The following RBFOX3 variants were observed in gnomAD, a reference collection of about 807,000 sequenced individuals.
RBFOX3 encodes the protein RNA binding fox-1 homolog 3.
In RBFOX3, 17 loss-of-function variants were observed where a neutral mutation model predicts 48.7. The ratio of observed to expected loss-of-function variants is 0.35; its 90% CI spans 0.24 to 0.52. RBFOX3 has a LOEUF of 0.52. Among genes scored for constraint, RBFOX3 ranks in the 20% least tolerant of loss-of-function variants. The probability of loss-of-function intolerance (pLI) is 0.94; values close to 1 mark genes in which losing one functional copy is unlikely to be tolerated. For synonymous variants in RBFOX3, 212 were observed against 209.5 expected (o/e 1.01, Z -0.10); for missense variants, 382 against 497.5 (o/e 0.77, Z 2.21).
chr17:79,447,357 C>A (rs1555738933), intron 2 of RBFOX3, among the ~76,000 whole-genome samples: 1 of 152,188 alleles, frequency 6.6e-6, no homozygotes, highest in African/African-American at 2.4e-5. Flanking sequence ...CCTCACTGCA[C>A]AAATGGTCCC....
At chr17:79,656,656 GA>G in the RBFOX3 span, among the ~76,000 whole-genome samples, 31 of 115,642 alleles carry the variant, frequency 2.7e-4, no homozygotes, top group African/African-American at 1.2e-3. Flanking sequence ...AGAAAGAAAG[GA>G]AGAGAAGAAA....
intron 4 of RBFOX3, among the ~76,000 whole-genome samples, chr17:79,200,157 C>T (rs1026798556): frequency 2.5e-4 from 16 of 62,854 alleles, no homozygotes; most frequent in Admixed American, 1.1e-3. Flanking sequence ...AGCGAGACTC[C>T]GTCTCAAAAA....
At chr17:79,222,054 GGACCTGCTGCCTGATTTCT>G (rs1333736875) in intron 4 of RBFOX3, among the ~76,000 whole-genome samples, 2 of 152,186 alleles carry the variant, frequency 1.3e-5, no homozygotes, top group Non-Finnish European at 2.9e-5. Flanking sequence ...GATGCCATAG[GGACCTGCTGCCTGATTTCT>G]ACCCGTTGCC....
intron 4 of RBFOX3, among the ~76,000 whole-genome samples, chr17:79,191,576 C>T (rs1314236102): frequency 6.6e-6 from 1 of 152,204 alleles, no homozygotes; most frequent in Non-Finnish European, 1.5e-5. Context: ...GAGGCCGATG[C>T]ACTGCTAGGC....
chr17:79,545,431 C>T (rs1394159987), intron 1 of RBFOX3, among the ~76,000 whole-genome samples: 1 of 152,186 alleles, frequency 6.6e-6, no homozygotes, highest in Admixed American at 6.5e-5. Flanking sequence ...AGGGTCCCAC[C>T]GGCGACCACC....
chr17:79,375,984 C>T (rs1018612810), intron 2 of RBFOX3, among the ~76,000 whole-genome samples: 1 of 152,182 alleles, frequency 6.6e-6, no homozygotes, highest in Non-Finnish European at 1.5e-5. Context: ...TAGTGAGATT[C>T]TGTTTGTAGA....
At chr17:79,651,678 C>T in the RBFOX3 span, among the ~76,000 whole-genome samples, 1 of 107,624 alleles carries the variant, frequency 9.3e-6, no homozygotes, top group Non-Finnish European at 1.9e-5. Context: ...GCCTCTCTCC[C>T]TCCCTCCTTC....
chr17:79,374,621 C>A (rs967335135), intron 2 of RBFOX3, among the ~76,000 whole-genome samples: 2 of 152,230 alleles, frequency 1.3e-5, no homozygotes, highest in Admixed American at 6.5e-5. Context: ...GGTTGGCACA[C>A]GCACGGCACA....
intron 3 of RBFOX3, among the ~76,000 whole-genome samples, chr17:79,274,682 G>A (rs1316814121): frequency 6.6e-6 from 1 of 152,026 alleles, no homozygotes; most frequent in Admixed American, 6.5e-5. Context: ...AAGAGGCTGG[G>A]GGCACAGACG....
At chr17:79,155,880 CCT>C (rs752959811) in intron 4 of RBFOX3, among the ~76,000 whole-genome samples, 1 of 152,212 alleles carries the variant, frequency 6.6e-6, no homozygotes, top group Non-Finnish European at 1.5e-5. Context: ...CCGCACCTCT[CCT>C]CTCTGACTGC....
In RBFOX3 at chr17:79,240,899, C is replaced by T. The variant is rs191256976; in HGVS notation, c.-73-5094G>A. 2.8e-4 allele frequency among the ~76,000 whole-genome samples: 43 copies of T among 152,208 alleles called. No individual in the cohort carries two copies. The East Asian group carries it at 8.2e-3, about 29-fold the overall frequency. On this transcript the variant is annotated intron_variant, in intron 3 of 14. Coordinates refer to ENST00000693108, the MANE Select transcript of RBFOX3 (RefSeq NM_001350451.2). ...CAGGATAGTCTTGATCTCCTGACCT[C>T]GTGATCCACCCACCTCGGCCTCCCA... is the stretch of plus-strand genomic sequence containing the variant.
chr17:79,188,001 G>A (rs938093608), intron 4 of RBFOX3, among the ~76,000 whole-genome samples: 1 of 152,184 alleles, frequency 6.6e-6, no homozygotes, highest in African/African-American at 2.4e-5. Context: ...ATCAGGAGTC[G>A]GGGGCTGCTT....
intron 4 of RBFOX3, among the ~76,000 whole-genome samples, chr17:79,159,713 C>T (rs527650333): frequency 2.9e-4 from 44 of 151,670 alleles, no homozygotes; most frequent in East Asian, 9.7e-4. Context: ...CACAGAGTGA[C>T]GTGCACCCAT....
intron 2 of RBFOX3, among the ~76,000 whole-genome samples, chr17:79,385,199 A>G (rs1358943600): frequency 6.6e-6 from 1 of 152,228 alleles, no homozygotes; most frequent in Non-Finnish European, 1.5e-5. Context: ...AGGGGAGGAC[A>G]GAGCCTGGGA....
chr17:79,122,319 C>T (rs1445061389), intron 4 of RBFOX3, among the ~76,000 whole-genome samples: 3 of 152,144 alleles, frequency 2.0e-5, no homozygotes, highest in African/African-American at 7.2e-5. Flanking sequence ...GACGGCCCCT[C>T]CCCCACCAGG....
At chr17:79,401,947 G>A (rs1477016081) in intron 2 of RBFOX3, among the ~76,000 whole-genome samples, 4 of 152,246 alleles carry the variant, frequency 2.6e-5, no homozygotes, top group Non-Finnish European at 4.4e-5. Flanking sequence ...CCGTTCTGGT[G>A]ACCACAGGAA....
intron 1 of RBFOX3, among the ~76,000 whole-genome samples, chr17:79,546,732 C>G (rs983244944): frequency 9.5e-5 from 14 of 147,706 alleles, no homozygotes; most frequent in Non-Finnish European, 1.8e-4. Flanking sequence ...TGCAGTGGTG[C>G]TATCTCTGCT....
intron 4 of RBFOX3, among the ~76,000 whole-genome samples, chr17:79,174,424 TCA>T (rs754159858): frequency 5.4e-5 from 8 of 149,266 alleles, no homozygotes; most frequent in Admixed American, 1.3e-4. Context: ...ACACATGCAC[TCA>T]CACACACTGA....
At chr17:79,283,129 TA>T (rs2070981754) in intron 3 of RBFOX3, among the ~76,000 whole-genome samples, 1 of 152,164 alleles carries the variant, frequency 6.6e-6, no homozygotes, top group South Asian at 2.1e-4. Flanking sequence ...AAGCCATCGA[TA>T]TTTTGTCATA....
Sources: gnomAD v4.1 joint callset for allele counts (sites outside exome capture counted in the v4.1 genomes callset) on GRCh38, gnomAD v4.1.1 for gene constraint, MANE v1.5 for transcripts, NCBI Gene and HGNC (gene_info 2026-07-23, HGNC 2026-07-21) for gene names.